PUM1: variants seen among roughly 807,000 people sequenced by gnomAD.
PUM1 encodes pumilio homolog 1.
A neutral mutation model predicts 131.8 loss-of-function variants in PUM1; 13 were observed. The observed-to-expected ratio is 0.10, with a 90% CI of 0.06 to 0.16. The LOEUF is 0.16. Ranked by LOEUF, PUM1 falls within the 10% of genes least tolerant of loss-of-function variation. The pLI is 1.00. For missense variants in PUM1, 961 were observed against 1,512.4 expected (o/e 0.64, Z 6.05); for synonymous variants, 509 against 556.5 (o/e 0.91, Z 1.20).
chr1:30,981,636 G>A (rs188896463), intron 7 of PUM1, among the ~76,000 whole-genome samples: 21 of 151,670 alleles, frequency 1.4e-4, no homozygotes, highest in African/African-American at 4.4e-4. Flanking sequence ...TGAGCTGACC[G>A]CTTCACAGAT....
At chr1:30,980,212 G>A (rs1431917213) in intron 8 of PUM1, 49 bp from the exon 9 acceptor site, 9 of 1,437,614 alleles carry the variant, frequency 6.3e-6, no homozygotes, top group Non-Finnish European at 8.8e-6. Flanking sequence ...TAAAACTGCA[G>A]CCCTATCAAA....
intron 7 of PUM1, among the ~76,000 whole-genome samples, chr1:30,991,443 G>C (rs1356397936): frequency 6.6e-6 from 1 of 152,272 alleles, no homozygotes; most frequent in East Asian, 1.9e-4. Context: ...AATTCATTTA[G>C]TATCAGCTAT....
At chr1:31,031,234 A>G (rs976394400) in intron 2 of PUM1, among the ~76,000 whole-genome samples, 1 of 152,252 alleles carries the variant, frequency 6.6e-6, no homozygotes, top group Admixed American at 6.5e-5. Context: ...AAAGCTCTGT[A>G]TCTAGCTCTT....
intron 4 of PUM1, among the ~76,000 whole-genome samples, chr1:31,006,753 G>A (rs1350335078): frequency 2.0e-5 from 3 of 152,176 alleles, no homozygotes; most frequent in Non-Finnish European, 2.9e-5. Context: ...AATTATGGTC[G>A]TTTCAAATAA....
chr1:31,058,496 C>CA (rs34857025), intron 2 of PUM1, among the ~76,000 whole-genome samples: 41 of 149,706 alleles, frequency 2.7e-4, no homozygotes, highest in Admixed American at 1.7e-3. Context: ...CCGTCTCTAC[C>CA]AAAAAAAATA....
chr1:31,045,988 A>ATT, intron 2 of PUM1, among the ~76,000 whole-genome samples: 1 of 152,158 alleles, frequency 6.6e-6, no homozygotes, highest in Non-Finnish European at 1.5e-5. Flanking sequence ...AGCCTGAGGC[A>ATT]GGAGAATCGC....
chr1:31,036,628 G>A (rs894296378), intron 2 of PUM1: 1 of 152,310 alleles, frequency 6.6e-6, no homozygotes, highest in Non-Finnish European at 1.5e-5. Flanking sequence ...CAGCAGGGGA[G>A]GCAGGGATTC....
chr1:31,060,505 G>C (rs1168667422), intron 1 of PUM1, among the ~76,000 whole-genome samples: 1 of 152,026 alleles, frequency 6.6e-6, no homozygotes, highest in Admixed American at 6.6e-5. Context: ...AGCTGGAGCA[G>C]ACATATGCTA....
intron 2 of PUM1, among the ~76,000 whole-genome samples, chr1:31,038,984 A>ATTTTTTTTT (rs35507851): frequency 2.2e-4 from 11 of 49,412 alleles, no homozygotes; most frequent in South Asian, 8.2e-4. Context: ...ATATATATAT[A>ATTTTTTTTT]TTTTTTTTTT....
chr1:31,052,562 T>C (rs1264882797), intron 2 of PUM1, among the ~76,000 whole-genome samples: 1 of 152,034 alleles, frequency 6.6e-6, no homozygotes, highest in Non-Finnish European at 1.5e-5. Context: ...ATACAGTGTC[T>C]CACTATATTG....
chr1:31,028,355 C>G (rs959561728), intron 3 of PUM1, among the ~76,000 whole-genome samples: 1 of 138,544 alleles, frequency 7.2e-6, no homozygotes, highest in Non-Finnish European at 1.5e-5. Context: ...AAAGGCACTA[C>G]TCTAAAAATA....
chr1:31,021,525 C>G (rs565930572), intron 3 of PUM1, among the ~76,000 whole-genome samples: 1 of 152,254 alleles, frequency 6.6e-6, no homozygotes, highest in East Asian at 1.9e-4. Flanking sequence ...GCTGAAGCCC[C>G]ACCCTCAACA....
chr1:30,978,697 C>T (rs1441272739), intron 9 of PUM1, among the ~76,000 whole-genome samples: 2 of 152,198 alleles, frequency 1.3e-5, no homozygotes, highest in African/African-American at 4.8e-5. Context: ...ATGTTGAATT[C>T]AACCCATCAT....
intron 9 of PUM1, among the ~76,000 whole-genome samples, chr1:30,979,586 T>C (rs1268943439): frequency 6.6e-6 from 1 of 151,730 alleles, no homozygotes; most frequent in Non-Finnish European, 1.5e-5. Context: ...TATGACATAC[T>C]AGGGTAGAAA....
In PUM1 at chr1:31,036,163, G is replaced by A. The variant is rs189635791; in HGVS notation, c.364-7299C>T. 2.0e-3 allele frequency among the ~76,000 whole-genome samples: 297 copies of A among 151,790 alleles called. 1 individual carries two copies. Among genetic ancestry groups the A allele is most frequent in the Non-Finnish European group, 2.3e-3 (158 of 67,966 alleles). On this transcript the variant is annotated intron_variant, in intron 2 of 21. Coordinates refer to ENST00000426105, the MANE Select transcript of PUM1 (RefSeq NM_001020658.2). ...CGGCTCACTGCAACCCCTGCCTCCC[G>A]AGTTCAAGCAATTCTCCTACCTCAG...
At chr1:30,939,024 A>G (rs554844740) in intron 20 of PUM1, among the ~76,000 whole-genome samples, 2 of 152,228 alleles carry the variant, frequency 1.3e-5, no homozygotes, top group South Asian at 4.1e-4. Flanking sequence ...ACTACAGCAT[A>G]TTTTCCTTTA....
At chr1:30,957,745 G>A (rs1640229970) in intron 14 of PUM1, among the ~76,000 whole-genome samples, 1 of 152,184 alleles carries the variant, frequency 6.6e-6, no homozygotes, top group Non-Finnish European at 1.5e-5. Context: ...TCTAATAGAT[G>A]CCTAATGGGC....
intron 14 of PUM1, among the ~76,000 whole-genome samples, chr1:30,962,251 C>T (rs1055340265): frequency 1.1e-4 from 17 of 152,130 alleles, no homozygotes; most frequent in African/African-American, 4.1e-4. Context: ...CAAGAAATAA[C>T]TCACACTAAT....
chr1:31,058,476 C>T (rs368530053), intron 2 of PUM1, among the ~76,000 whole-genome samples: 1 of 151,442 alleles, frequency 6.6e-6, no homozygotes, highest in Non-Finnish European at 1.5e-5. Flanking sequence ...CTGGCTAACA[C>T]AGTGAAACCC....
Sources: allele counts gnomAD v4.1 joint callset (sites outside exome capture counted in the v4.1 genomes callset), GRCh38; gene constraint gnomAD v4.1.1; transcripts MANE v1.5; gene names NCBI Gene and HGNC (gene_info 2026-07-23, HGNC 2026-07-21).